The following ST3GAL3 variants were observed in gnomAD, a reference collection of about 807,000 sequenced individuals.
ST3GAL3 encodes the protein CMP-N-acetylneuraminate-beta-1,4-galactoside alpha-2,3-sialyltransferase.
ST3GAL3 carries 21 observed loss-of-function variants against 50.1 expected under a neutral mutation model. That is an observed-to-expected ratio of 0.42 (90% confidence interval 0.30 to 0.60). The LOEUF (loss-of-function observed/expected upper bound fraction) is 0.60, where lower values mean the gene tolerates loss of function less well. ST3GAL3 is among the 20% of genes least tolerant of loss of function. The pLI, the probability that ST3GAL3 is intolerant of heterozygous loss-of-function variation, is 0.19. For synonymous variants in ST3GAL3, 183 were observed against 190.0 expected, an observed-to-expected ratio of 0.96 and a Z score of 0.30; for missense variants, 353 against 489.4, an observed-to-expected ratio of 0.72 and a Z score of 2.63.
At chr1:43,882,979 A>T (rs113716371) in intron 5 of ST3GAL3, among the ~76,000 whole-genome samples, 5,907 of 139,022 alleles carry the variant, frequency 0.042, 399 homozygotes, top group African/African-American at 0.17. Flanking sequence ...TTATTTATTT[A>T]GAGACAGGCT....
chr1:43,723,494 A>C (rs1374417595), intron 1 of ST3GAL3, among the ~76,000 whole-genome samples: 1 of 152,152 alleles, frequency 6.6e-6, no homozygotes, highest in African/African-American at 2.4e-5. Flanking sequence ...TCAGAAGTGG[A>C]TGCTGCTGCC....
chr1:43,811,113 A>G (rs2060507548), intron 3 of ST3GAL3, among the ~76,000 whole-genome samples: 2 of 152,312 alleles, frequency 1.3e-5, no homozygotes, highest in South Asian at 4.1e-4. Flanking sequence ...AATACATCTG[A>G]AGTAATAAAA....
Position 43,817,570 on chromosome 1 carries a change from T to TCTTCCTTCTTC in ST3GAL3, c.209+2641_209+2642insCTTCTTCCTTC, listed in dbSNP as rs1553350866. Among the ~76,000 whole-genome samples, 36 of 76,464 alleles carry TCTTCCTTCTTC rather than the reference T, an allele frequency of 4.7e-4. 1 individual carries two copies. The highest frequency in any genetic ancestry group is 1.7e-3 in the African/African-American group (35 of 20,978). 50.2% of individuals were successfully genotyped at this position (76,464 alleles called of 152,430 possible). On this transcript the variant is annotated intron_variant, in intron 4 of 11. Transcript: ENST00000347631. ...TCTTCTTCTTCTCCTTCTTCCTTCT[T>TCTTCCTTCTTC]CTTCTCCTTCTCCTCCTTCTCCTCC...
In ST3GAL3 at chr1:43,732,560, C is replaced by T. The variant is rs114826977; in HGVS notation, c.-30-3673C>T. On this transcript the variant is annotated intron_variant, in intron 1 of 11. Transcript: ENST00000347631. Reference sequence around the variant, plus strand: ...CATTCCTTGTTGGTTCCTTTAAATGCTGCTCACAACAGCTATAAAAAATCC... The same window carrying T: ...CATTCCTTGTTGGTTCCTTTAAATGTTGCTCACAACAGCTATAAAAAATCC... Among the ~76,000 whole-genome samples, 442 of 152,314 alleles carry T rather than the reference C, an allele frequency of 2.9e-3. 3 individuals carry two copies. The highest frequency in any genetic ancestry group is 0.01 in the African/African-American group (428 of 41,566).
At chr1:43,815,056 C>A in intron 4 of ST3GAL3, 123 bp downstream of exon 4, 1 of 985,528 alleles carries the variant, frequency 1.0e-6, no homozygotes, top group Non-Finnish European at 1.6e-6. Context: ...GGGCCTCTGT[C>A]CTCAGGCTGT....
At chr1:43,886,214 C>G (rs1439127239) in intron 5 of ST3GAL3, among the ~76,000 whole-genome samples, 2 of 152,158 alleles carry the variant, frequency 1.3e-5, no homozygotes, top group Non-Finnish European at 2.9e-5. Context: ...AACCCTGTCT[C>G]TACTAAAAAT....
intron 5 of ST3GAL3, among the ~76,000 whole-genome samples, chr1:43,887,342 C>T (rs1439981164): frequency 6.6e-6 from 1 of 152,076 alleles, no homozygotes; most frequent in Non-Finnish European, 1.5e-5. Context: ...CCAACGGGTA[C>T]AGGACCCTGG....
At chr1:43,889,790 G>C (rs563627523) in intron 5 of ST3GAL3, among the ~76,000 whole-genome samples, 1 of 152,230 alleles carries the variant, frequency 6.6e-6, no homozygotes, top group Non-Finnish European at 1.5e-5. Flanking sequence ...ATTTTTTGCT[G>C]TGTGAATTAC....
chr1:43,750,839 G>C (rs140411796), intron 2 of ST3GAL3, among the ~76,000 whole-genome samples: 1 of 151,750 alleles, frequency 6.6e-6, no homozygotes, highest in Non-Finnish European at 1.5e-5. Context: ...TCACGCCTCT[G>C]CACTCCAGCC....
intron 2 of ST3GAL3, among the ~76,000 whole-genome samples, chr1:43,739,543 T>C (rs1679935017): frequency 6.6e-6 from 1 of 152,162 alleles, no homozygotes; most frequent in South Asian, 2.1e-4. Context: ...TATTATATTA[T>C]TCATTCAGTA....
intron 3 of ST3GAL3, among the ~76,000 whole-genome samples, chr1:43,813,895 GCACACA>G (rs371983204): frequency 0.31 from 29,911 of 97,628 alleles, 3,555 homozygotes; most frequent in East Asian, 0.5. Context: ...ACACACACAC[GCACACA>G]CGCACACACA....
intron 1 of ST3GAL3, among the ~76,000 whole-genome samples, chr1:43,720,142 T>C (rs1669686919): frequency 6.6e-6 from 1 of 151,856 alleles, no homozygotes; most frequent in Non-Finnish European, 1.5e-5. Flanking sequence ...AGCAGGAAGA[T>C]CGCTTGAGCC....
chr1:43,729,480 T>G (rs1674647438), intron 1 of ST3GAL3, among the ~76,000 whole-genome samples: 1 of 152,198 alleles, frequency 6.6e-6, no homozygotes, highest in African/African-American at 2.4e-5. Context: ...AACTTTCTTC[T>G]CCATCATTGG....
At chr1:43,848,651 A>G (rs977037520) in intron 5 of ST3GAL3, among the ~76,000 whole-genome samples, 1 of 152,064 alleles carries the variant, frequency 6.6e-6, no homozygotes, top group Non-Finnish European at 1.5e-5. Context: ...TTAACTCCTC[A>G]GATCTGTAGG....
chr1:43,929,365 C>T (rs1356428580), intron 11 of ST3GAL3, among the ~76,000 whole-genome samples: 4 of 151,234 alleles, frequency 2.6e-5, no homozygotes, highest in Non-Finnish European at 4.4e-5. Context: ...AGTGCAGTGG[C>T]GCGATCTCGG....
intron 4 of ST3GAL3, among the ~76,000 whole-genome samples, chr1:43,834,521 T>A (rs1013268745): frequency 9.2e-5 from 14 of 152,336 alleles, no homozygotes; most frequent in African/African-American, 3.1e-4. Context: ...TTACTGGACC[T>A]CCACAGTGTG....
At chr1:43,810,557 C>T (rs1409848129) in intron 3 of ST3GAL3, among the ~76,000 whole-genome samples, 2 of 152,100 alleles carry the variant, frequency 1.3e-5, no homozygotes, top group Non-Finnish European at 2.9e-5. Flanking sequence ...TCCTATTGTT[C>T]GCAAGGGGAC....
intron 2 of ST3GAL3, among the ~76,000 whole-genome samples, chr1:43,744,626 G>A (rs1325007184): frequency 2.0e-5 from 3 of 146,468 alleles, no homozygotes; most frequent in Admixed American, 6.8e-5. Context: ...GCACTCCAGC[G>A]TGGGGGACAG....
At chr1:43,774,304 A>T (rs898329007) in intron 2 of ST3GAL3, among the ~76,000 whole-genome samples, 1 of 152,176 alleles carries the variant, frequency 6.6e-6, no homozygotes, top group Non-Finnish European at 1.5e-5. Context: ...TTCACTGAGC[A>T]CATGGAACTA....
Sources: gnomAD v4.1 joint callset for allele counts (sites outside exome capture counted in the v4.1 genomes callset) on GRCh38, gnomAD v4.1.1 for gene constraint, MANE v1.5 for transcripts, NCBI Gene and HGNC (gene_info 2026-07-23, HGNC 2026-07-21) for gene names.